SRBD1: variants seen among roughly 807,000 people sequenced by gnomAD.
The protein encoded by SRBD1 is S1 RNA-binding domain-containing protein 1.
A neutral mutation model predicts 115.3 loss-of-function variants in SRBD1; 88 were observed. The ratio of observed to expected loss-of-function variants is 0.76; its 90% CI spans 0.64 to 0.91. The LOEUF (loss-of-function observed/expected upper bound fraction) is 0.91, where lower values mean the gene tolerates loss of function less well. SRBD1 is among the 40% of genes least tolerant of loss of function. The probability of loss-of-function intolerance (pLI) is 0.00; values close to 1 mark genes in which losing one functional copy is unlikely to be tolerated. For synonymous variants in SRBD1, 509 were observed against 407.7 expected, an observed-to-expected ratio of 1.25 and a Z score of -2.99; for missense variants, 1,385 against 1,177.4, an observed-to-expected ratio of 1.18 and a Z score of -2.58.
At chr2:45,588,873 T>G (rs1673630388) in intron 4 of SRBD1, among the ~76,000 whole-genome samples, 1 of 152,202 alleles carries the variant, frequency 6.6e-6, no homozygotes, top group Non-Finnish European at 1.5e-5. Context: ...GTTACATAGG[T>G]CAATAAATCT....
chr2:45,574,531 A>G (rs1673117329), intron 8 of SRBD1, 96 bp downstream of exon 8: 1 of 1,188,208 alleles, frequency 8.4e-7, no homozygotes, highest in Non-Finnish European at 1.2e-6. Flanking sequence ...AAGTCTGAAA[A>G]CAAAGTTTTT....
At chr2:45,601,274 A>C (rs2104251478) in intron 3 of SRBD1, among the ~76,000 whole-genome samples, 1 of 152,366 alleles carries the variant, frequency 6.6e-6, no homozygotes, top group Non-Finnish European at 1.5e-5. Flanking sequence ...ATTTCTGATT[A>C]CTACTTAATT....
At chr2:45,520,086 A>T (rs1671236184) in intron 14 of SRBD1, among the ~76,000 whole-genome samples, 1 of 152,234 alleles carries the variant, frequency 6.6e-6, no homozygotes. Context: ...AAGTAAAAAA[A>T]TAGAAAATTA....
chr2:45,551,325 A>C, intron 11 of SRBD1, 43 bp from the exon 12 acceptor site: 1 of 1,557,468 alleles, frequency 6.4e-7, no homozygotes, highest in Non-Finnish European at 8.6e-7. Flanking sequence ...ATTCACCCAA[A>C]TTTTCTTTCC....
At chr2:45,479,050 A>G (rs1669884830) in intron 15 of SRBD1, among the ~76,000 whole-genome samples, 1 of 152,176 alleles carries the variant, frequency 6.6e-6, no homozygotes, top group Admixed American at 6.6e-5. Context: ...GATCTTTGAT[A>G]TCACTATTGT....
At chr2:45,594,948 C>A (rs1375696673) in intron 4 of SRBD1, among the ~76,000 whole-genome samples, 1 of 152,160 alleles carries the variant, frequency 6.6e-6, no homozygotes, top group African/African-American at 2.4e-5. Flanking sequence ...TGTTATTTTT[C>A]TATTTTTCTG....
intron 14 of SRBD1, among the ~76,000 whole-genome samples, chr2:45,509,086 G>A (rs189538938): frequency 4.6e-5 from 7 of 152,090 alleles, no homozygotes; most frequent in East Asian, 1.9e-4. Context: ...AAGTACTTAC[G>A]ATACAAACTA....
intron 14 of SRBD1, among the ~76,000 whole-genome samples, chr2:45,538,458 C>G (rs911624704): frequency 6.6e-6 from 1 of 152,280 alleles, no homozygotes; most frequent in Non-Finnish European, 1.5e-5. Flanking sequence ...CCTGCAAATC[C>G]CGATAGTGAA....
At chr2:45,605,767 G>T (rs1365677630) in intron 1 of SRBD1, among the ~76,000 whole-genome samples, 6 of 152,030 alleles carry the variant, frequency 3.9e-5, no homozygotes. Flanking sequence ...AGCCAGGTGT[G>T]GTCGTGGGCA....
At chr2:45,487,834 A>G (rs577737291) in intron 15 of SRBD1, among the ~76,000 whole-genome samples, 226 of 152,024 alleles carry the variant, frequency 1.5e-3, no homozygotes, top group African/African-American at 5.3e-3. Context: ...TTGTATTTTT[A>G]GTAGAGACGG....
chr2:45,580,833 C>A (rs1307755520), intron 6 of SRBD1, among the ~76,000 whole-genome samples: 1 of 151,142 alleles, frequency 6.6e-6, no homozygotes, highest in Non-Finnish European at 1.5e-5. Flanking sequence ...TACAGGCACC[C>A]GCCACCACGC....
In SRBD1 at chr2:45,476,984, T is replaced by A. The variant is rs747309440; in HGVS notation, c.2049+9A>T. Reference sequence around the variant, plus strand: ...GATTTCATAAATTAAATGATCCACATAGCTTTACCTGATACATTCCAACTC... The same window carrying A: ...GATTTCATAAATTAAATGATCCACAAAGCTTTACCTGATACATTCCAACTC... On this transcript the variant is annotated intron_variant, in intron 16 of 20. Coordinates refer to ENST00000263736, the MANE Select transcript of SRBD1 (RefSeq NM_018079.5). The A allele has an allele frequency of 6.2e-7, 1 of 1,612,758 alleles. No individual in the cohort carries two copies. The highest frequency in any genetic ancestry group is 8.5e-7 in the Non-Finnish European group (1 of 1,179,158).
intron 14 of SRBD1, among the ~76,000 whole-genome samples, chr2:45,543,841 A>G (rs1672024658): frequency 6.6e-6 from 1 of 152,206 alleles, no homozygotes. Context: ...GTTCAACTGT[A>G]GAAAATAGCT....
At position 45,599,649 on chromosome 2, in the gene SRBD1, T is replaced by C. The variant is rs1455674030; in HGVS notation, c.448A>G (p.Asn150Asp). The C allele has an allele frequency of 6.2e-7, 1 of 1,614,234 alleles. No individual in the cohort carries two copies. The highest frequency in any genetic ancestry group is 8.5e-7 in the Non-Finnish European group (1 of 1,180,036). The change falls in exon 4 of 21, where the codon AAT becomes GAT. Residue 150 changes from asparagine (N) to aspartate (D), a missense_variant. By Grantham distance (23) the Asn-to-Asp change is conservative. Transcript: ENST00000263736. The stretch of plus-strand genomic sequence containing the variant: ...CTTGTGGATGGTGTCTCTGAACTAT[T>C]ACTCTCACCCTCTAAGTTGCTGGCT... ...SKASNLEGES[N>D]SSETPSTSTV...
At chr2:45,578,472 T>A (rs1673245263) in intron 7 of SRBD1, among the ~76,000 whole-genome samples, 4 of 152,240 alleles carry the variant, frequency 2.6e-5, no homozygotes, top group Admixed American at 2.6e-4. Context: ...AGATTAAGTG[T>A]GTTTGGGTAT....
intron 16 of SRBD1, among the ~76,000 whole-genome samples, chr2:45,464,532 T>C (rs1056454014): frequency 2.0e-5 from 3 of 152,214 alleles, no homozygotes; most frequent in East Asian, 3.8e-4. Context: ...GTCACCTCCA[T>C]ACACTGAATT....
chr2:45,467,546 A>G (rs1250031593), intron 16 of SRBD1, among the ~76,000 whole-genome samples: 12 of 152,198 alleles, frequency 7.9e-5, no homozygotes, highest in African/African-American at 2.7e-4. Flanking sequence ...CGTAGGCCAC[A>G]TCTGTCTAAA....
chr2:45,605,768 G>C (rs968169997), intron 1 of SRBD1, among the ~76,000 whole-genome samples: 10 of 152,056 alleles, frequency 6.6e-5, no homozygotes, highest in African/African-American at 2.4e-4. Flanking sequence ...GCCAGGTGTG[G>C]TCGTGGGCAC....
chr2:45,555,704 G>T (rs955982633), intron 10 of SRBD1, among the ~76,000 whole-genome samples: 3 of 152,034 alleles, frequency 2.0e-5, no homozygotes, highest in African/African-American at 7.3e-5. Flanking sequence ...GTATTAGCCA[G>T]GATGGTCTCG....
Sources: allele counts gnomAD v4.1 joint callset (sites outside exome capture counted in the v4.1 genomes callset), GRCh38; gene constraint gnomAD v4.1.1; transcripts MANE v1.5; gene names NCBI Gene and HGNC (gene_info 2026-07-23, HGNC 2026-07-21).